Variants in SON observed in about 807,000 individuals in gnomAD.
SON encodes SON DNA and RNA binding protein.
SON carries 4 observed loss-of-function variants against 173.3 expected under a neutral mutation model. The observed-to-expected ratio is 0.02, with a 90% CI of 0.01 to 0.05. The LOEUF (loss-of-function observed/expected upper bound fraction) is 0.05, where lower values mean the gene tolerates loss of function less well. Among genes scored for constraint, SON ranks in the 10% least tolerant of loss-of-function variants. The pLI is 1.00. For missense variants in SON, 2,626 were observed against 3,055.3 expected (o/e 0.86, Z 3.31); for synonymous variants, 1,190 against 1,105.9 (o/e 1.08, Z -1.51).
chr21:33,573,475 A>G lies in SON; in HGVS notation c.7033+20A>G, dbSNP rs767956023. On this transcript the variant is annotated intron_variant, in intron 9 of 11. Transcript: ENST00000356577. Reference sequence around the variant, plus strand: ...GAAAAGGTAACAAGTTCTTTTTTGGAATGTTTATTAACGTCTCCTTTAACA... The same window carrying G: ...GAAAAGGTAACAAGTTCTTTTTTGGGATGTTTATTAACGTCTCCTTTAACA... 6.2e-7 allele frequency: 1 copy of G among 1,601,446 alleles called. No individual in the cohort carries two copies. Among genetic ancestry groups the G allele is most frequent in the Non-Finnish European group, 8.5e-7 (1 of 1,173,422 alleles).
At chr21:33,567,037 TTATTAG>T (rs768790575) in intron 6 of SON, 114 bp from the exon 7 acceptor site, 34 of 524,664 alleles carry the variant, frequency 6.5e-5, no homozygotes, top group Non-Finnish European at 1.1e-4. Context: ...TTTTCCAAGA[TTATTAG>T]TATTATAAGA....
Position 33,549,702 on chromosome 21 carries a change from G to A in SON, c.471G>A (p.Lys157=), listed in dbSNP as rs770674801. 1.2e-6 allele frequency: 2 copies of A among 1,612,316 alleles called. No homozygotes were observed. The highest frequency in any genetic ancestry group is 1.7e-6 in the Non-Finnish European group (2 of 1,179,546). The change falls in exon 3 of 12, where the codon AAG becomes AAA. Residue 157 remains lysine, a synonymous_variant. Coordinates refer to ENST00000356577, the MANE Select transcript of SON (RefSeq NM_138927.4). Reference sequence around the variant, plus strand: ...ATTTAGAATCTGATTCCTTTTTAAAGTTTGATTCTGAACCTTCAGCTGTGG... The same window carrying A: ...ATTTAGAATCTGATTCCTTTTTAAAATTTGATTCTGAACCTTCAGCTGTGG... ...NIDLESDSFL[K]FDSEPSAVAL...
chr21:33,564,473 T>C (rs1302904603), intron 6 of SON, among the ~76,000 whole-genome samples: 1 of 152,224 alleles, frequency 6.6e-6, no homozygotes, highest in Non-Finnish European at 1.5e-5. Context: ...CTTGAAAGGC[T>C]GGAAACAGGC....
rs144467414 is a variant in SON, at chr21:33,550,759, A to T, written c.1528A>T (p.Thr510Ser). The T allele has an allele frequency of 1.1e-4, 177 of 1,614,154 alleles. No homozygotes were observed. Among genetic ancestry groups the T allele is most frequent in the Non-Finnish European group, 1.5e-4 (173 of 1,180,024 alleles). ...GGAGTTGACCGAACAACCTGTGACG[A>T]CGACAGAGTTGGAGCAGCCTGTGGG... ...AMELTEQPVT[T>S]TELEQPVGMT... Residue 510 changes from threonine (T) to serine (S), a missense_variant, in exon 3 of 12, where the codon ACG becomes TCG. Coordinates refer to ENST00000356577, the MANE Select transcript of SON (RefSeq NM_138927.4).
In SON at chr21:33,559,479, G is replaced by C. The variant is rs1389430131; in HGVS notation, c.6468+103G>C. ...TTTATTAATTTTTGTTTTAAATACT[G>C]TGAGAAATAATGGATAATATCATTT... On this transcript the variant is annotated intron_variant, in intron 5 of 11. Transcript: ENST00000356577. This position sits in a 1 kb window ranked among gnomAD's most constrained non-coding sequence, Gnocchi z 4.1. 3 of 1,473,120 alleles carry C rather than the reference G, an allele frequency of 2.0e-6. No individual in the cohort carries two copies. Among genetic ancestry groups the C allele is most frequent in the Non-Finnish European group, 2.8e-6 (3 of 1,090,692 alleles). 91.3% of individuals were successfully genotyped at this position (1,473,120 alleles called of 1,614,324 possible).
Position 33,553,275 on chromosome 21 carries a change from C to T in SON, c.4044C>T (p.Ala1348=). 6.2e-7 allele frequency: 1 copy of T among 1,614,168 alleles called. No individual in the cohort carries two copies. Among genetic ancestry groups the T allele is most frequent in the Non-Finnish European group, 8.5e-7 (1 of 1,180,032 alleles). Residue 1348 remains alanine (A), a synonymous_variant, in exon 3 of 12, where the codon GCC becomes GCT. Transcript: ENST00000356577. The part of the protein sequence containing the change: ...VLAESILEPP[A]MAAPESSAMA... ...CAGAGAGCATTCTGGAGCCGCCAGCCATGGCTGCCCCAGAGTCTTCAGCTA... is the reference window on the plus strand; with the variant it reads ...CAGAGAGCATTCTGGAGCCGCCAGCTATGGCTGCCCCAGAGTCTTCAGCTA...
chr21:33,557,729 G>A (rs2085995173), intron 4 of SON: 4 of 1,417,538 alleles, frequency 2.8e-6, no homozygotes, highest in East Asian at 2.6e-5. Context: ...TTTTGCCACC[G>A]GAGCTTGGAA....
In SON at chr21:33,577,393, C is replaced by T. The variant is rs2086426081; in HGVS notation, c.*969C>T. The T allele has an allele frequency of 6.6e-6, 1 of 152,464 alleles. No homozygotes were observed. The highest frequency in any genetic ancestry group is 2.1e-4 in the South Asian group (1 of 4,824). 9.4% of individuals were successfully genotyped at this position (152,464 alleles called of 1,614,324 possible). The stretch of plus-strand genomic sequence containing the variant: ...ATTTTTAGGGTCTGATAGAATATTT[C>T]ATGTGTATTACAGTGGTATTCATAT... On this transcript the variant is annotated 3_prime_UTR_variant, in exon 12 of 12. Coordinates refer to ENST00000356577, the MANE Select transcript of SON (RefSeq NM_138927.4).
Position 33,552,473 on chromosome 21 carries a change from G to A in SON, c.3242G>A (p.Arg1081Gln), listed in dbSNP as rs968169899. 4 of 1,613,912 alleles carry A rather than the reference G, an allele frequency of 2.5e-6. No individual in the cohort carries two copies. Among genetic ancestry groups the A allele is most frequent in the Non-Finnish European group, 3.4e-6 (4 of 1,179,964 alleles). Residue 1081 changes from arginine to glutamine, a missense_variant, in exon 3 of 12, where the codon CGA (arginine) becomes CAA (glutamine). By Grantham distance (43) the Arg-to-Gln change is conservative. This residue lies in a region of SON where 366 missense variants were observed against 448.6 expected (regional missense o/e 0.82). Transcript: ENST00000356577. The surrounding 1 kb of genome is among the most constrained non-coding windows in gnomAD (Gnocchi z 5.6). ...TCCATGATGTCCCCAATGGCTGATCGATCTATGATGTCCATGGGTGCTGAC... is the reference window on the plus strand; with the variant it reads ...TCCATGATGTCCCCAATGGCTGATCAATCTATGATGTCCATGGGTGCTGAC... The part of the protein sequence containing the change: ...ERSMMSPMAD[R>Q]SMMSMGADRS...
In SON at chr21:33,553,562, C is replaced by T. The variant is rs1219769539; in HGVS notation, c.4331C>T (p.Thr1444Ile). The T allele has an allele frequency of 1.2e-6, 2 of 1,614,172 alleles. No homozygotes were observed. Among genetic ancestry groups the T allele is most frequent in the Non-Finnish European group, 1.7e-6 (2 of 1,180,028 alleles). The change falls in exon 3 of 12, where the codon ACT becomes ATT. Residue 1444 changes from threonine to isoleucine, a missense_variant. Transcript: ENST00000356577. The part of the protein sequence containing the change: ...SEPSVSVQES[T>I]VTVSEPAVTV... ...CCATCTGTTTCTGTCCAGGAATCGA[C>T]TGTGACAGTTTCAGAGCCTGCTGTC...
chr21:33,568,553 T>C (rs1244106037), intron 7 of SON, among the ~76,000 whole-genome samples: 5 of 152,336 alleles, frequency 3.3e-5, no homozygotes, highest in Non-Finnish European at 5.9e-5. Context: ...TTAAACTCTT[T>C]AAACCTGTGT....
At chr21:33,543,280 G>A (rs1057449107) in intron 1 of SON, 111 bp downstream of exon 1, 2 of 1,029,038 alleles carry the variant, frequency 1.9e-6, no homozygotes, top group Admixed American at 1.8e-5. Context: ...GGCCCCGCTA[G>A]GGCCCCGCCT....
At chr21:33,566,486 C>G (rs993320992) in intron 6 of SON, among the ~76,000 whole-genome samples, 1 of 151,628 alleles carries the variant, frequency 6.6e-6, no homozygotes. Context: ...AAAAGTGTTT[C>G]AGTTGATGTT....
Position 33,550,881 on chromosome 21 carries a change from A to T in SON, c.1650A>T (p.Gly550=), listed in dbSNP as rs747620123. ...PEATMVLELP[G]QPVATTALEL... ...CAACGATGGTGCTGGAGTTGCCAGG[A>T]CAGCCAGTGGCAACGACAGCGCTGG... Residue 550 remains glycine, a synonymous_variant, in exon 3 of 12, where the codon GGA becomes GGT. Transcript: ENST00000356577. The T allele has an allele frequency of 6.2e-7, 1 of 1,610,406 alleles. No homozygotes were observed. Among genetic ancestry groups the T allele is most frequent in the Non-Finnish European group, 8.5e-7 (1 of 1,177,772 alleles).
At chr21:33,573,243 C>A in intron 8 of SON, 65 bp from the exon 9 acceptor site, 2 of 1,330,034 alleles carry the variant, frequency 1.5e-6, no homozygotes, top group Non-Finnish European at 1.1e-6. Context: ...AGAAAGTAAA[C>A]AATGAATCTG....
At chr21:33,570,861 A>G (rs1355534957) in intron 8 of SON, among the ~76,000 whole-genome samples, 6 of 152,164 alleles carry the variant, frequency 3.9e-5, no homozygotes, top group African/African-American at 9.7e-5. Flanking sequence ...GTCTTTATCT[A>G]ATGATGTGCT....
chr21:33,560,381 A>G (rs745344650), intron 6 of SON: 6 of 1,179,392 alleles, frequency 5.1e-6, no homozygotes, highest in Non-Finnish European at 6.3e-6. Context: ...CAGCCTTGGT[A>G]CTCCATTCCC....
Position 33,554,319 on chromosome 21 carries a change from C to T in SON, c.5088C>T (p.Leu1696=), listed in dbSNP as rs762058017. ...KESDQTLAAL[L]SPKESSGGEK... ...GTGACCAGACATTAGCAGCTCTGCTCAGCCCTAAAGAAAGTAGTGGAGGAG... is the reference window on the plus strand; with the variant it reads ...GTGACCAGACATTAGCAGCTCTGCTTAGCCCTAAAGAAAGTAGTGGAGGAG... Residue 1696 remains leucine (L), a synonymous_variant, in exon 3 of 12, where the codon CTC becomes CTT. Coordinates refer to ENST00000356577, the MANE Select transcript of SON (RefSeq NM_138927.4). The T allele has an allele frequency of 1.2e-6, 2 of 1,614,166 alleles. No individual in the cohort carries two copies. Among genetic ancestry groups the T allele is most frequent in the African/African-American group, 1.3e-5 (1 of 75,028 alleles).
At chr21:33,566,241 AATG>A (rs945647883) in intron 6 of SON, among the ~76,000 whole-genome samples, 17 of 152,128 alleles carry the variant, frequency 1.1e-4, no homozygotes, top group African/African-American at 4.1e-4. Flanking sequence ...AAATAATAAT[AATG>A]TTAAAAGAAG....
Sources: allele counts gnomAD v4.1 joint callset (sites outside exome capture counted in the v4.1 genomes callset), GRCh38; gene constraint gnomAD v4.1.1; regional missense constraint gnomAD v4.1.1; non-coding constraint Gnocchi (gnomAD v3.1); transcripts MANE v1.5; gene names NCBI Gene and HGNC (gene_info 2026-07-23, HGNC 2026-07-21).